Variants in MUC7 observed in about 807,000 individuals in gnomAD.
MUC7 encodes mucin 7, secreted, also known as mucin-7.
Under a neutral mutation model 2.5 loss-of-function variants are expected in MUC7, and 2 were observed. That is an observed-to-expected ratio of 0.81 (90% CI 0.33 to 2.55). The LOEUF (loss-of-function observed/expected upper bound fraction) is 2.55, where lower values mean the gene tolerates loss of function less well. Among genes scored for constraint, MUC7 ranks in the 30% most tolerant of loss-of-function variants. The pLI is 0.11. For synonymous variants in MUC7, 133 were observed against 173.4 expected (o/e 0.77, Z 1.83); for missense variants, 408 against 455.6 (o/e 0.90, Z 0.95).
chr4:70,449,301 G>A (rs1318379776), intron 1 of MUC7, among the ~76,000 whole-genome samples: 1 of 152,130 alleles, frequency 6.6e-6, no homozygotes, highest in African/African-American at 2.4e-5. Flanking sequence ...GGCTCGGGAG[G>A]CCTCACAATT....
Position 70,474,008 on chromosome 4 carries a change from A to G in MUC7, c.-14A>G, listed in dbSNP as rs1350610704. 6.2e-7 allele frequency: 1 copy of G among 1,609,850 alleles called. No homozygotes were observed. The highest frequency in any genetic ancestry group is 1.3e-5 in the African/African-American group (1 of 74,752). On this transcript the variant is annotated splice_region_variant and 5_prime_UTR_variant, in exon 2 of 3. Transcript: ENST00000304887. ...ACGCCACATTTCTGCTTTTCCCAGG[A>G]GACATCAGAAAGAATGAAAACTCTG...
rs372498548 is a variant in MUC7 at position 70,461,517 on chromosome 4, C to A, written c.-92-10698C>A. 1.0e-3 allele frequency among the ~76,000 whole-genome samples: 156 copies of A among 152,268 alleles called. 1 individual carries two copies. In the South Asian group the frequency reaches 0.031, roughly 30 times the overall value. On this transcript the variant is annotated intron_variant, in intron 1 of 3. Transcript: ENST00000413702. The stretch of plus-strand genomic sequence containing the variant: ...ATTCTTGCTATGAGTATCCACTGAT[C>A]CTTCTATCTCTTGTAGAGCATATTT...
chr4:70,451,892 C>G (rs941113424), intron 1 of MUC7, among the ~76,000 whole-genome samples: 10 of 152,082 alleles, frequency 6.6e-5, no homozygotes, highest in Admixed American at 2.6e-4. Context: ...GTATTGGAGT[C>G]CATCTCTCTC....
At chr4:70,480,702 C>A in intron 2 of MUC7, 97 bp from the exon 3 acceptor site, 3 of 1,267,702 alleles carry the variant, frequency 2.4e-6, no homozygotes, top group South Asian at 1.5e-5. Context: ...CTAATCCCAG[C>A]ATTCCACAAA....
intron 2 of MUC7, among the ~76,000 whole-genome samples, chr4:70,476,265 T>C (rs1264256250): frequency 6.6e-6 from 1 of 152,188 alleles, no homozygotes; most frequent in Non-Finnish European, 1.5e-5. Context: ...TAAGTAAAGT[T>C]TTAATAAGGA....
At chr4:70,474,239 G>A (rs1734926969) in intron 2 of MUC7, among the ~76,000 whole-genome samples, 164 bp downstream of exon 2, 1 of 152,038 alleles carries the variant, frequency 6.6e-6, no homozygotes, top group Non-Finnish European at 1.5e-5. Flanking sequence ...CCGGTGCACT[G>A]GCTCACACCT....
chr4:70,433,449 C>T (rs1300451309), intron 1 of MUC7, among the ~76,000 whole-genome samples: 2 of 152,126 alleles, frequency 1.3e-5, no homozygotes, highest in East Asian at 3.8e-4. Context: ...CCTTCACATC[C>T]CTCGTAAATT....
intron 1 of MUC7, among the ~76,000 whole-genome samples, chr4:70,451,644 T>C (rs1022815878): frequency 2.6e-5 from 4 of 152,154 alleles, no homozygotes; most frequent in Non-Finnish European, 5.9e-5. Flanking sequence ...CTATTTCAAT[T>C]TTTTTTAATG....
chr4:70,432,433 G>A (rs1359399462), intron 1 of MUC7, among the ~76,000 whole-genome samples: 4 of 152,114 alleles, frequency 2.6e-5, no homozygotes, highest in Admixed American at 1.3e-4. Flanking sequence ...TTTAATGATC[G>A]CCATTCTAAC....
intron 1 of MUC7, among the ~76,000 whole-genome samples, chr4:70,456,888 T>C (rs1014393315): frequency 1.3e-5 from 2 of 152,166 alleles, no homozygotes; most frequent in Non-Finnish European, 2.9e-5. Flanking sequence ...AAGTGAACAA[T>C]GGAAGATGAA....
upstream of MUC7, among the ~76,000 whole-genome samples, chr4:70,471,014 A>G (rs13149271): frequency 0.16 from 24,478 of 152,166 alleles, 2,148 homozygotes; most frequent in South Asian, 0.21. Flanking sequence ...CAAAAATTAC[A>G]TGGCTACTAA....
intron 1 of MUC7, among the ~76,000 whole-genome samples, chr4:70,459,285 A>G (rs975887432): frequency 1.3e-5 from 2 of 152,230 alleles, no homozygotes; most frequent in African/African-American, 4.8e-5. Flanking sequence ...TTGTAGGGAC[A>G]TGGATGAAAT....
chr4:70,481,037 G>A lies in MUC7; in HGVS notation c.293G>A (p.Ser98Asn), dbSNP rs1185882357. ...HQPPKHPDKN[S>N]SVVNPTLVAT... The stretch of plus-strand genomic sequence containing the variant: ...CCACCTAAACATCCAGATAAAAATA[G>A]CAGTGTGGTCAACCCTACCTTAGTG... The change falls in exon 3 of 3, where the codon AGC (serine) becomes AAC (asparagine). Residue 98 changes from serine to asparagine, a missense_variant. By Grantham distance (46) the Ser-to-Asn change is conservative. Transcript: ENST00000304887. The A allele has an allele frequency of 7.4e-6, 12 of 1,613,940 alleles. No homozygotes were observed. The highest frequency in any genetic ancestry group is 1.3e-5 in the African/African-American group (1 of 74,900).
intron 2 of MUC7, among the ~76,000 whole-genome samples, chr4:70,478,104 G>C (rs1206137294): frequency 6.6e-6 from 1 of 152,064 alleles, no homozygotes; most frequent in African/African-American, 2.4e-5. Flanking sequence ...CTGGTCATTT[G>C]ATACATGTTC....
chr4:70,474,591 A>G (rs1031991940), intron 2 of MUC7, among the ~76,000 whole-genome samples: 14 of 152,248 alleles, frequency 9.2e-5, no homozygotes, highest in African/African-American at 3.1e-4. Context: ...AGGTAGGTAG[A>G]TAGAGCATAA....
chr4:70,474,042 T>C lies in MUC7; in HGVS notation c.21T>C (p.Phe7=). 1 of 1,613,358 alleles carries C rather than the reference T, an allele frequency of 6.2e-7. No individual in the cohort carries two copies. Among genetic ancestry groups the C allele is most frequent in the Non-Finnish European group, 8.5e-7 (1 of 1,179,548 alleles). MKTLPL[F]VCICALSACF... is the part of the protein sequence containing the mutation. The stretch of plus-strand genomic sequence containing the variant: ...AAAGAATGAAAACTCTGCCGCTGTT[T>C]GTGTGCATCTGTGCACTGAGTGCTT... Residue 7 remains phenylalanine (F), a synonymous_variant, in exon 2 of 3, where the codon TTT becomes TTC. Coordinates refer to ENST00000304887, the MANE Select transcript of MUC7 (RefSeq NM_152291.3).
chr4:70,451,438 A>C (rs1246623628), intron 1 of MUC7, among the ~76,000 whole-genome samples: 4 of 152,134 alleles, frequency 2.6e-5, no homozygotes, highest in African/African-American at 9.7e-5. Flanking sequence ...GGTTCTTATG[A>C]AGGTGTTTTT....
At chr4:70,452,137 G>A (rs1734294652) in intron 1 of MUC7, among the ~76,000 whole-genome samples, 1 of 152,198 alleles carries the variant, frequency 6.6e-6, no homozygotes, top group South Asian at 2.1e-4. Flanking sequence ...TTCAGTCTAT[G>A]TGCACATTTA....
intron 1 of MUC7, among the ~76,000 whole-genome samples, chr4:70,453,342 G>T (rs921819234): frequency 6.6e-6 from 1 of 152,208 alleles, no homozygotes; most frequent in Non-Finnish European, 1.5e-5. Flanking sequence ...CTCAAACCAC[G>T]AAATGCAGTC....
Sources: gnomAD v4.1 joint callset for allele counts (sites outside exome capture counted in the v4.1 genomes callset) on GRCh38, gnomAD v4.1.1 for gene constraint, MANE v1.5 for transcripts, NCBI Gene and HGNC (gene_info 2026-07-23, HGNC 2026-07-21) for gene names.